The following LNX1 variants were observed in gnomAD, a reference collection of about 807,000 sequenced individuals.
LNX1 encodes ligand of numb-protein X 1, also known as E3 ubiquitin-protein ligase LNX.
LNX1 carries 54 observed loss-of-function variants against 68.4 expected under a neutral mutation model. The observed-to-expected ratio is 0.79, with a 90% CI of 0.63 to 0.99. The LOEUF (loss-of-function observed/expected upper bound fraction) is 0.99. Among genes scored for constraint, LNX1 ranks in the 50% least tolerant of loss-of-function variants. The pLI, the probability that LNX1 is intolerant of heterozygous loss-of-function variation, is 0.00. For synonymous variants in LNX1, 336 were observed against 350.0 expected (o/e 0.96, Z 0.45); for missense variants, 906 against 926.4 (o/e 0.98, Z 0.29).
At chr4:53,634,369 G>A (rs993967678) in intron 1 of LNX1, among the ~76,000 whole-genome samples, 13 of 150,376 alleles carry the variant, frequency 8.6e-5, no homozygotes, top group Admixed American at 2.0e-4. Flanking sequence ...TCAGTCTCCC[G>A]AGTAGCTGGG....
intron 1 of LNX1, among the ~76,000 whole-genome samples, chr4:53,642,200 C>A (rs1383423217): frequency 2.4e-5 from 3 of 125,878 alleles, no homozygotes; most frequent in African/African-American, 9.4e-5. Context: ...CCAGCCTGGG[C>A]AATGCAGAGC....
intron 2 of LNX1, among the ~76,000 whole-genome samples, chr4:53,550,229 G>A (rs1729409278): frequency 6.6e-6 from 1 of 152,166 alleles, no homozygotes; most frequent in African/African-American, 2.4e-5. Flanking sequence ...AAGGAAAAAT[G>A]CCCTGTTAAA....
chr4:53,651,191 A>G (rs1201003831), intron 1 of LNX1, among the ~76,000 whole-genome samples: 5 of 152,134 alleles, frequency 3.3e-5, no homozygotes, highest in East Asian at 1.9e-4. Flanking sequence ...TCACTCAACA[A>G]ATTCCTCCTG....
At chr4:53,547,720 G>A (rs1344506045) in intron 2 of LNX1, among the ~76,000 whole-genome samples, 4 of 152,176 alleles carry the variant, frequency 2.6e-5, no homozygotes, top group African/African-American at 9.7e-5. Flanking sequence ...TTAAACATGG[G>A]AGAAGTGGGC....
chr4:53,640,617 C>G (rs62325510), intron 1 of LNX1, among the ~76,000 whole-genome samples: 9,184 of 152,260 alleles, frequency 0.06, 290 homozygotes, highest in Middle Eastern at 0.085. Flanking sequence ...TGCAGGAGAA[C>G]CACAATACAT....
At chr4:53,553,488 A>G (rs1223580505) in intron 2 of LNX1, among the ~76,000 whole-genome samples, 1 of 152,150 alleles carries the variant, frequency 6.6e-6, no homozygotes, top group African/African-American at 2.4e-5. Context: ...CAGAACCTAC[A>G]CTGTTCTAAG....
At chr4:53,568,365 C>T (rs907097650) in intron 2 of LNX1, among the ~76,000 whole-genome samples, 1 of 151,674 alleles carries the variant, frequency 6.6e-6, no homozygotes, top group Non-Finnish European at 1.5e-5. Context: ...TAAATGTAAT[C>T]CAGCATATAA....
intron 2 of LNX1, among the ~76,000 whole-genome samples, chr4:53,527,458 C>T (rs559842152): frequency 1.3e-4 from 20 of 152,158 alleles, no homozygotes; most frequent in East Asian, 3.8e-4. Context: ...TTAGTCTCTA[C>T]GAGCCTGGTG....
chr4:53,593,834 G>A (rs1732624434), upstream of LNX1: 2 of 152,252 alleles, frequency 1.3e-5, no homozygotes, highest in South Asian at 4.2e-4. Context: ...ATTGCTATTT[G>A]CATTCTACAG....
At chr4:53,550,770 T>G (rs769673716) in intron 2 of LNX1, among the ~76,000 whole-genome samples, 1 of 152,170 alleles carries the variant, frequency 6.6e-6, no homozygotes, top group Non-Finnish European at 1.5e-5. Flanking sequence ...GCCCAATACC[T>G]GGCCCAGGTC....
At chr4:53,546,281 CA>C (rs1448067144) in intron 2 of LNX1, among the ~76,000 whole-genome samples, 3 of 152,210 alleles carry the variant, frequency 2.0e-5, no homozygotes, top group Non-Finnish European at 4.4e-5. Flanking sequence ...ACCCAGGCTG[CA>C]CGTGTTCAAA....
upstream of LNX1, among the ~76,000 whole-genome samples, chr4:53,621,687 G>A (rs1438124592): frequency 6.6e-6 from 1 of 152,146 alleles, no homozygotes; most frequent in Non-Finnish European, 1.5e-5. Flanking sequence ...ACTGGGAAGT[G>A]GCTATGGGTC....
At chr4:53,576,387 A>T (rs1731491520) in intron 1 of LNX1, 1 of 1,567,294 alleles carries the variant, frequency 6.4e-7, no homozygotes, top group Non-Finnish European at 8.6e-7. Flanking sequence ...TGCAGGACTG[A>T]CCCCTCACAT....
At chr4:53,575,619 C>G in intron 1 of LNX1, 1 of 1,309,826 alleles carries the variant, frequency 7.6e-7, no homozygotes, top group Non-Finnish European at 9.7e-7. Flanking sequence ...GGACCAGGCC[C>G]GCTTTTGGCT....
intron 2 of LNX1, among the ~76,000 whole-genome samples, chr4:53,521,510 G>C (rs928340902): frequency 2.0e-5 from 3 of 152,156 alleles, no homozygotes; most frequent in African/African-American, 7.2e-5. Context: ...TCGGGGTTTG[G>C]AAACGTGTCA....
At chr4:53,470,490 G>A (rs1723078529) in intron 9 of LNX1, among the ~76,000 whole-genome samples, 1 of 152,058 alleles carries the variant, frequency 6.6e-6, no homozygotes, top group South Asian at 2.1e-4. Flanking sequence ...TTCTGGCCAG[G>A]GCAATCAGGA....
chr4:53,576,343 A>T (rs1349322118), intron 1 of LNX1: 2 of 1,607,732 alleles, frequency 1.2e-6, no homozygotes, highest in Non-Finnish European at 1.7e-6. Flanking sequence ...CCTAAAGGAG[A>T]TGGCAGATCT....
intron 2 of LNX1, chr4:53,604,156 T>C (rs1184998265): frequency 6.6e-6 from 1 of 152,192 alleles, no homozygotes; most frequent in Non-Finnish European, 1.5e-5. Context: ...AATTTGAAGT[T>C]GCCAAACTGC....
intron 1 of LNX1, among the ~76,000 whole-genome samples, chr4:53,628,712 T>G (rs1421915087): frequency 6.6e-6 from 1 of 152,148 alleles, no homozygotes; most frequent in Non-Finnish European, 1.5e-5. Flanking sequence ...ATTGCAGAGA[T>G]ATGGAACCAA....
Sources: gnomAD v4.1 joint callset for allele counts (sites outside exome capture counted in the v4.1 genomes callset) on GRCh38, gnomAD v4.1.1 for gene constraint, MANE v1.5 for transcripts, NCBI Gene and HGNC (gene_info 2026-07-23, HGNC 2026-07-21) for gene names.